MSRA: variants seen among roughly 807,000 people sequenced by gnomAD.
MSRA encodes methionine sulfoxide reductase A, also known as mitochondrial peptide methionine sulfoxide reductase.
In MSRA, 54 loss-of-function variants were observed where a neutral mutation model predicts 31.3. That is an observed-to-expected ratio of 1.73 (90% CI 1.39 to 2.17). The LOEUF is 2.17. MSRA is among the 30% of genes most tolerant of loss of function. The probability of loss-of-function intolerance (pLI) is 0.00; values close to 1 mark genes in which losing one functional copy is unlikely to be tolerated. For missense variants in MSRA, 507 were observed against 300.9 expected, an observed-to-expected ratio of 1.69 and a Z score of -5.07; for synonymous variants, 169 against 116.5, an observed-to-expected ratio of 1.45 and a Z score of -2.90.
chr8:10,239,876 C>T (rs1021006546), intron 2 of MSRA, among the ~76,000 whole-genome samples: 3 of 149,110 alleles, frequency 2.0e-5, no homozygotes, highest in African/African-American at 7.4e-5. Flanking sequence ...GTGTTTGATT[C>T]AGTGTCCTGG....
At chr8:10,191,660 C>T (rs1008870372) in intron 1 of MSRA, among the ~76,000 whole-genome samples, 1 of 151,990 alleles carries the variant, frequency 6.6e-6, no homozygotes, top group Admixed American at 6.6e-5. Context: ...TAGAGATAGT[C>T]TCCAACTTAG....
At chr8:10,138,118 G>C (rs757472299) in intron 1 of MSRA, among the ~76,000 whole-genome samples, 3 of 152,162 alleles carry the variant, frequency 2.0e-5, no homozygotes, top group African/African-American at 4.8e-5. Flanking sequence ...GACTCTTTCT[G>C]GATTGTTTTG....
Position 10,149,037 on chromosome 8 carries a change from C to T in MSRA, c.143-58796C>T, listed in dbSNP as rs547631049. Among the ~76,000 whole-genome samples, 35 of 151,190 alleles carry T rather than the reference C, an allele frequency of 2.3e-4. No homozygotes were observed. In the East Asian group the frequency reaches 5.8e-3, roughly 25 times the overall value. On this transcript the variant is annotated intron_variant, in intron 1 of 5. Coordinates refer to ENST00000317173, the MANE Select transcript of MSRA (RefSeq NM_012331.5). ...ATGGTTCAGTCTTGGCTCAGTGTAA[C>T]CTCTGCCTCCCAGGTTCCAGTGATT...
chr8:10,081,409 G>A (rs1266178110), intron 1 of MSRA, among the ~76,000 whole-genome samples: 2 of 152,174 alleles, frequency 1.3e-5, no homozygotes, highest in Non-Finnish European at 2.9e-5. Flanking sequence ...TGTGACTCGG[G>A]GAGTTTGTGT....
intron 1 of MSRA, among the ~76,000 whole-genome samples, chr8:10,068,075 G>A (rs1797552842): frequency 6.6e-6 from 1 of 151,826 alleles, no homozygotes; most frequent in Admixed American, 6.6e-5. Flanking sequence ...GTAGACATGG[G>A]GTTTCGCTGT....
At chr8:10,422,298 G>C (rs1808861725) in intron 5 of MSRA, among the ~76,000 whole-genome samples, 1 of 152,146 alleles carries the variant, frequency 6.6e-6, no homozygotes, top group Non-Finnish European at 1.5e-5. Context: ...CAACAGAAAA[G>C]CCAGGCAGGG....
chr8:10,085,958 C>G (rs1016385620), intron 1 of MSRA, among the ~76,000 whole-genome samples: 7 of 152,136 alleles, frequency 4.6e-5, no homozygotes, highest in East Asian at 1.9e-4. Context: ...AGCAGATAGA[C>G]CTTGCTGCTG....
intron 5 of MSRA, among the ~76,000 whole-genome samples, chr8:10,383,801 T>C (rs1384679275): frequency 6.6e-6 from 1 of 152,218 alleles, no homozygotes. Flanking sequence ...TCCTTCCTGC[T>C]TGCTGTCACC....
At chr8:10,329,509 C>A (rs1185318822) in intron 5 of MSRA, among the ~76,000 whole-genome samples, 2 of 152,226 alleles carry the variant, frequency 1.3e-5, no homozygotes, top group African/African-American at 4.8e-5. Flanking sequence ...ACTCCCGCAT[C>A]TCAACCCCCC....
At chr8:10,406,986 T>G in intron 5 of MSRA, among the ~76,000 whole-genome samples, 1 of 152,224 alleles carries the variant, frequency 6.6e-6, no homozygotes, top group Non-Finnish European at 1.5e-5. Context: ...CATGTAATCC[T>G]TCCATCTCGG....
intron 1 of MSRA, among the ~76,000 whole-genome samples, chr8:10,181,878 C>G (rs890721125): frequency 2.0e-5 from 3 of 152,224 alleles, no homozygotes; most frequent in Non-Finnish European, 4.4e-5. Context: ...AAGCCTTTAT[C>G]CTGACCCCAA....
intron 4 of MSRA, 61 bp from the exon 5 acceptor site, chr8:10,319,822 G>A (rs1241952998): frequency 5.9e-6 from 6 of 1,024,232 alleles, no homozygotes; most frequent in Non-Finnish European, 8.2e-6. Flanking sequence ...ATTGTGCCCA[G>A]TTTGAGACTG....
chr8:10,340,255 G>T (rs769203456), intron 5 of MSRA, among the ~76,000 whole-genome samples: 1 of 152,116 alleles, frequency 6.6e-6, no homozygotes, highest in African/African-American at 2.4e-5. Flanking sequence ...CCAGGTGTCC[G>T]TGCTTTTATG....
chr8:10,359,220 T>C (rs1186214860), intron 5 of MSRA, among the ~76,000 whole-genome samples: 3 of 152,228 alleles, frequency 2.0e-5, no homozygotes, highest in Non-Finnish European at 4.4e-5. Context: ...TCTTCTCCAT[T>C]GATTGGATCT....
At chr8:10,281,605 T>C (rs1799626864) in intron 3 of MSRA, among the ~76,000 whole-genome samples, 2 of 152,114 alleles carry the variant, frequency 1.3e-5, no homozygotes, top group African/African-American at 4.8e-5. Context: ...CTTAGAAAAA[T>C]GCTATCGATA....
At chr8:10,361,360 T>A (rs1304760541) in intron 5 of MSRA, among the ~76,000 whole-genome samples, 4 of 152,218 alleles carry the variant, frequency 2.6e-5, no homozygotes, top group Non-Finnish European at 5.9e-5. Flanking sequence ...ATTAAACTCT[T>A]CCTTGGGAGA....
At chr8:10,387,189 G>A (rs1168041321) in intron 5 of MSRA, among the ~76,000 whole-genome samples, 2 of 152,204 alleles carry the variant, frequency 1.3e-5, no homozygotes, top group East Asian at 1.9e-4. Context: ...AGATCATTGA[G>A]ATTTAACCTC....
intron 1 of MSRA, among the ~76,000 whole-genome samples, chr8:10,171,329 A>G (rs1023487087): frequency 2.0e-5 from 3 of 149,122 alleles, no homozygotes; most frequent in African/African-American, 7.4e-5. Context: ...GTAGTGACAG[A>G]CCTGACATTT....
At chr8:10,157,828 C>G (rs1354262717) in intron 1 of MSRA, among the ~76,000 whole-genome samples, 1 of 152,104 alleles carries the variant, frequency 6.6e-6, no homozygotes, top group Non-Finnish European at 1.5e-5. Context: ...TCCCTTCCCT[C>G]TCTCCATCCC....
Sources: allele counts gnomAD v4.1 joint callset (sites outside exome capture counted in the v4.1 genomes callset), GRCh38; gene constraint gnomAD v4.1.1; transcripts MANE v1.5; gene names NCBI Gene and HGNC (gene_info 2026-07-23, HGNC 2026-07-21).